The following ACACB variants were observed in gnomAD, a reference collection of about 807,000 sequenced individuals.
ACACB encodes acetyl-CoA carboxylase 2.
In ACACB, 209 loss-of-function variants were observed where a neutral mutation model predicts 278.8. That is an observed-to-expected ratio of 0.75 (90% CI 0.67 to 0.84). The LOEUF (loss-of-function observed/expected upper bound fraction) is 0.84, where lower values mean the gene tolerates loss of function less well. Ranked by LOEUF, ACACB falls within the 40% of genes least tolerant of loss-of-function variation. The pLI, the probability that ACACB is intolerant of heterozygous loss-of-function variation, is 0.00. For synonymous variants in ACACB, 1,174 were observed against 1,285.6 expected (o/e 0.91, Z 1.86); for missense variants, 2,850 against 3,269.0 (o/e 0.87, Z 3.13).
At chr12:109,171,679 C>G (rs2044120795) in intron 4 of ACACB, 126 bp from the exon 5 acceptor site, 1 of 710,602 alleles carries the variant, frequency 1.4e-6, no homozygotes, top group Admixed American at 2.4e-5. Flanking sequence ...CATGTTTGTC[C>G]ATTGTTACCA....
chr12:109,214,510 C>T (rs35810122), intron 22 of ACACB, among the ~76,000 whole-genome samples: 24,541 of 152,108 alleles, frequency 0.16, 2,483 homozygotes, highest in East Asian at 0.32. Context: ...AACCTTAAGC[C>T]CATCCTTTAA....
At chr12:109,184,259 G>T (rs1340519974) in intron 11 of ACACB, among the ~76,000 whole-genome samples, 1 of 151,758 alleles carries the variant, frequency 6.6e-6, no homozygotes, top group East Asian at 1.9e-4. Flanking sequence ...CACCATGTTG[G>T]CCAGGCTGGT....
chr12:109,206,657 A>T (rs1431521123), intron 19 of ACACB, 53 bp from the exon 20 acceptor site: 1 of 1,607,756 alleles, frequency 6.2e-7, no homozygotes, highest in Non-Finnish European at 8.5e-7. Flanking sequence ...GCCCGGTCCC[A>T]TTTGGAATTC....
rs1282989532 is a variant in ACACB at position 109,210,349 on chromosome 12, ATATC to A, written c.3249+998_3249+1001del. ...TATATATGTATATACACGCACACAC[ATATC>A]TGTGTATATATGTATATACACGCAC... On this transcript the variant is annotated intron_variant, in intron 21 of 52. Coordinates refer to ENST00000338432, the MANE Select transcript of ACACB (RefSeq NM_001093.4). Among the ~76,000 whole-genome samples, 72 of 79,838 alleles carry A rather than the reference ATATC, an allele frequency of 9.0e-4. 1 individual carries two copies. The highest frequency in any genetic ancestry group is 2.0e-3 in the African/African-American group (43 of 21,536). The allele number at this position is 79,838 out of a possible 152,430, so 52.4% of individuals were successfully genotyped here.
chr12:109,252,264 ATTCC>A, intron 42 of ACACB, 108 bp downstream of exon 42: 2 of 695,306 alleles, frequency 2.9e-6, no homozygotes, highest in Non-Finnish European at 4.6e-6. Context: ...AGCCAGTTTC[ATTCC>A]TACTGATACA....
chr12:109,226,474 C>T (rs1053502815), intron 27 of ACACB, among the ~76,000 whole-genome samples: 6 of 151,854 alleles, frequency 4.0e-5, no homozygotes, highest in African/African-American at 2.4e-5. Flanking sequence ...CCAAGGCGGG[C>T]GGATCACCTG....
Position 109,242,500 on chromosome 12 carries a change from T to C in ACACB, c.5086T>C (p.Tyr1696His). The change falls in exon 37 of 53, where the codon TAC becomes CAC. Residue 1696 changes from tyrosine (Y) to histidine (H), a missense_variant. Physicochemically the swap from Tyr to His is moderately conservative, Grantham distance 83 (BLOSUM62 2). This residue lies in a region of ACACB where 2,265 missense variants were observed against 2,561.3 expected (regional missense o/e 0.88). Transcript: ENST00000338432. ...GCACGGGATGCTGATCAATACTCCC[T>C]ACGTCACCAAGGATCTGCTCCAGGC... ...PQHGMLINTPYVTKDLLQAKR... is the reference protein window; with the variant it reads ...PQHGMLINTPHVTKDLLQAKR... The C allele has an allele frequency of 6.2e-7, 1 of 1,614,144 alleles. No individual in the cohort carries two copies. The highest frequency in any genetic ancestry group is 1.1e-5 in the South Asian group (1 of 91,086).
At position 109,239,857 on chromosome 12, in the gene ACACB, G is replaced by C. The variant is rs753641748; in HGVS notation, c.4690G>C (p.Glu1564Gln). ...KEASFEYLQN[E>Q]GERLLLEAMD... ...AGCCTCCTTCGAATACCTGCAGAAC[G>C]AGGGTGAGCGGCTGCTCCTGGAGGC... Residue 1564 changes from glutamate to glutamine, a missense_variant, in exon 35 of 53, where the codon GAG becomes CAG. Around this residue, in one of 3 missense-constraint regions of ACACB, gnomAD observed 2,265 missense variants for 2,561.3 expected, o/e 0.88. Transcript: ENST00000338432. 4 of 1,614,004 alleles carry C rather than the reference G, an allele frequency of 2.5e-6. No homozygotes were observed. The South Asian group carries it at 4.4e-5, about 18-fold the overall frequency.
chr12:109,264,005 TG>T, intron 49 of ACACB: 1 of 517,986 alleles, frequency 1.9e-6, no homozygotes, highest in South Asian at 3.0e-5. Flanking sequence ...GCCATCAAGA[TG>T]GGCCTGGGGT....
intron 2 of ACACB, among the ~76,000 whole-genome samples, chr12:109,146,043 T>G (rs997631435): frequency 7.2e-5 from 11 of 152,152 alleles, no homozygotes; most frequent in African/African-American, 2.7e-4. Context: ...TCTTGATAAG[T>G]TGCTAAATAA....
chr12:109,239,987 T>C lies in ACACB; in HGVS notation c.4818+2T>C. The C allele has an allele frequency of 2.5e-6, 4 of 1,613,022 alleles. No individual in the cohort carries two copies. Among genetic ancestry groups the C allele is most frequent in the Non-Finnish European group, 3.4e-6 (4 of 1,179,404 alleles). On this transcript the variant is annotated splice_donor_variant, in intron 35 of 52. Coordinates refer to ENST00000338432, the MANE Select transcript of ACACB (RefSeq NM_001093.4). LOFTEE classifies it high-confidence loss of function. ...ACTGTCATCATGGACCCCTTCAAGG[T>C]CTCGCCTTTGCAGGGGGGCTCTCAC...
chr12:109,215,721 G>A (rs1301964416), intron 22 of ACACB, among the ~76,000 whole-genome samples: 3 of 152,108 alleles, frequency 2.0e-5, no homozygotes, highest in Admixed American at 6.5e-5. Context: ...GCCGAGAATC[G>A]TGCCACCGCA....
chr12:109,137,806 A>C (rs748825650), intron 1 of ACACB, among the ~76,000 whole-genome samples: 1 of 152,072 alleles, frequency 6.6e-6, no homozygotes, highest in Non-Finnish European at 1.5e-5. Flanking sequence ...ATTTTTTTTG[A>C]AATAGGGTCT....
At chr12:109,200,283 A>T (rs2045292611) in intron 18 of ACACB, among the ~76,000 whole-genome samples, 1 of 151,952 alleles carries the variant, frequency 6.6e-6, no homozygotes, top group African/African-American at 2.4e-5. Context: ...TCCCAGGCTC[A>T]AGTGATCCTC....
chr12:109,254,897 A>G (rs528972290), intron 44 of ACACB, among the ~76,000 whole-genome samples: 4 of 151,572 alleles, frequency 2.6e-5, no homozygotes, highest in South Asian at 2.1e-4. Context: ...GACTCAGTCT[A>G]CCGAGTAGCT....
chr12:109,216,451 A>T (rs1593601214), intron 22 of ACACB, among the ~76,000 whole-genome samples, 167 bp from the exon 23 acceptor site: 1 of 148,662 alleles, frequency 6.7e-6, no homozygotes, highest in Admixed American at 6.7e-5. Context: ...CGATCTCTTG[A>T]CCTCGTGATC....
At position 109,241,093 on chromosome 12, in the gene ACACB, C is replaced by T. The variant is rs17848829; in HGVS notation, c.4834C>T (p.Arg1612Cys). 104 of 1,614,050 alleles carry T rather than the reference C, an allele frequency of 6.4e-5. No homozygotes were observed. In the East Asian group the frequency reaches 2.1e-3, roughly 33 times the overall value. ...TTTGGGGCAGATCGAGGAGTCCGTG[C>T]GCTACATGGTTATGCGCTACGGCAG... is the stretch of plus-strand genomic sequence containing the variant. ...MDPFKIEESV[R>C]YMVMRYGSRL... is the part of the protein sequence containing the mutation. Residue 1612 changes from arginine (R) to cysteine (C), a missense_variant, in exon 36 of 53, where the codon CGC becomes TGC. By Grantham distance (180) the Arg-to-Cys change is radical. Around this residue, in one of 3 missense-constraint regions of ACACB, gnomAD observed 2,265 missense variants for 2,561.3 expected, o/e 0.88. Coordinates refer to ENST00000338432, the MANE Select transcript of ACACB (RefSeq NM_001093.4).
At position 109,242,386 on chromosome 12, in the gene ACACB, G is replaced by A. The variant is rs117091667; in HGVS notation, c.5023-51G>A. 1,909 of 1,575,772 alleles carry A rather than the reference G, an allele frequency of 1.2e-3. 2 individuals are homozygous for A. The highest frequency in any genetic ancestry group is 1.9e-3 in the Admixed American group (109 of 58,858). Reference sequence around the variant, plus strand: ...GAGGACTGGGCAGAAATAAATTGGGGGAGATGTGTGATTCTCTCTCACTCT... The same window carrying A: ...GAGGACTGGGCAGAAATAAATTGGGAGAGATGTGTGATTCTCTCTCACTCT... On this transcript the variant is annotated intron_variant, in intron 36 of 52. Coordinates refer to ENST00000338432, the MANE Select transcript of ACACB (RefSeq NM_001093.4).
chr12:109,259,575 C>A (rs7488422), intron 47 of ACACB, among the ~76,000 whole-genome samples: 14 of 130,294 alleles, frequency 1.1e-4, no homozygotes, highest in East Asian at 4.8e-4. Flanking sequence ...AAAAAAAAAA[C>A]AAAAAAACAA....
Sources: gnomAD v4.1 joint callset for allele counts (sites outside exome capture counted in the v4.1 genomes callset) on GRCh38, gnomAD v4.1.1 for gene constraint, gnomAD v4.1.1 regional missense constraint, MANE v1.5 for transcripts, NCBI Gene and HGNC (gene_info 2026-07-23, HGNC 2026-07-21) for gene names.